The following ZNF804B variants were observed in gnomAD, a reference collection of about 807,000 sequenced individuals.
The protein encoded by ZNF804B is zinc finger 804B.
ZNF804B carries 80 observed loss-of-function variants against 101.4 expected under a neutral mutation model. The ratio of observed to expected loss-of-function variants is 0.79; its 90% CI spans 0.66 to 0.95. The LOEUF (loss-of-function observed/expected upper bound fraction) is 0.95, where lower values mean the gene tolerates loss of function less well. Among genes scored for constraint, ZNF804B ranks in the 40% least tolerant of loss-of-function variants. The pLI is 0.00. For missense variants in ZNF804B, 1,673 were observed against 1,561.9 expected, an observed-to-expected ratio of 1.07 and a Z score of -1.20; for synonymous variants, 622 against 558.8, an observed-to-expected ratio of 1.11 and a Z score of -1.59.
rs556883423 is a variant in ZNF804B at position 88,900,426 on chromosome 7, T to A, written c.108+140342T>A. ...AACAAAATATATTCAAAGATTTACA[T>A]AAGCCAGAAACTTAAGAAATAGTTT... On this transcript the variant is annotated intron_variant, in intron 1 of 3. Transcript: ENST00000333190. Among the ~76,000 whole-genome samples, 12 of 151,802 alleles carry A rather than the reference T, an allele frequency of 7.9e-5. 1 individual carries two copies. The highest frequency in any genetic ancestry group is 2.9e-4 in the African/African-American group (12 of 41,460).
At chr7:89,159,970 C>A (rs934771920) in intron 1 of ZNF804B, among the ~76,000 whole-genome samples, 1 of 152,040 alleles carries the variant, frequency 6.6e-6, no homozygotes, top group Non-Finnish European at 1.5e-5. Flanking sequence ...TGTAGAGATA[C>A]GTCTAGCTGA....
chr7:89,139,583 C>G (rs1327826474), intron 1 of ZNF804B, among the ~76,000 whole-genome samples: 1 of 151,996 alleles, frequency 6.6e-6, no homozygotes, highest in Non-Finnish European at 1.5e-5. Context: ...ATGTTCACAG[C>G]ATCTTCACCA....
chr7:88,945,087 A>G (rs778987417), intron 1 of ZNF804B, among the ~76,000 whole-genome samples: 3 of 151,954 alleles, frequency 2.0e-5, no homozygotes, highest in Non-Finnish European at 4.4e-5. Context: ...GAAGCTCTTT[A>G]GTTTAATTAG....
Position 88,759,940 on chromosome 7 carries a change from T to C in ZNF804B, c.-37T>C. 8 of 1,577,662 alleles carry C rather than the reference T, an allele frequency of 5.1e-6. No homozygotes were observed. The highest frequency in any genetic ancestry group is 7.0e-6 in the Non-Finnish European group (8 of 1,147,704). ...CCGCTTTCCACGGCTGGTCGCCTGG[T>C]GAGGAGTTGAGACTCTGCGCCTCCG... is the stretch of plus-strand genomic sequence containing the variant. On this transcript the variant is annotated 5_prime_UTR_variant, in exon 1 of 4. Coordinates refer to ENST00000333190, the MANE Select transcript of ZNF804B (RefSeq NM_181646.5).
intron 1 of ZNF804B, among the ~76,000 whole-genome samples, chr7:88,792,384 A>G (rs1026694049): frequency 1.3e-5 from 2 of 152,192 alleles, no homozygotes; most frequent in East Asian, 3.9e-4. Context: ...TATTCACTAG[A>G]TAACTTTAGA....
chr7:89,254,648 A>ATTTT (rs1324787367), intron 2 of ZNF804B, among the ~76,000 whole-genome samples: 2 of 132,314 alleles, frequency 1.5e-5, no homozygotes, highest in Non-Finnish European at 1.7e-5. Flanking sequence ...TTTTATTTTT[A>ATTTT]TTATTTTTTT....
At chr7:89,002,154 A>C (rs1461173788) in intron 1 of ZNF804B, among the ~76,000 whole-genome samples, 1 of 151,688 alleles carries the variant, frequency 6.6e-6, no homozygotes, top group Non-Finnish European at 1.5e-5. Context: ...TGTTAAACTA[A>C]TAAAAAGTAC....
chr7:88,980,211 A>G (rs1477028186), intron 1 of ZNF804B, among the ~76,000 whole-genome samples: 1 of 151,926 alleles, frequency 6.6e-6, no homozygotes, highest in Non-Finnish European at 1.5e-5. Flanking sequence ...CCTTCTCTGC[A>G]TTATGTTGAA....
intron 1 of ZNF804B, among the ~76,000 whole-genome samples, chr7:88,829,366 A>T (rs1791098243): frequency 6.6e-6 from 1 of 152,080 alleles, no homozygotes; most frequent in Admixed American, 6.6e-5. Context: ...TTGCTCTCTA[A>T]TTAAATATCA....
chr7:88,772,169 A>G (rs1270185221), intron 1 of ZNF804B, among the ~76,000 whole-genome samples: 4 of 152,184 alleles, frequency 2.6e-5, no homozygotes, highest in Non-Finnish European at 4.4e-5. Context: ...CATGTGCTAC[A>G]TACTATACGT....
At chr7:88,802,034 T>C (rs1378018435) in intron 1 of ZNF804B, among the ~76,000 whole-genome samples, 1 of 152,074 alleles carries the variant, frequency 6.6e-6, no homozygotes, top group Non-Finnish European at 1.5e-5. Context: ...GTTTCCCTCA[T>C]GCTGCTCTGG....
chr7:89,135,579 T>C (rs950486870), intron 1 of ZNF804B, among the ~76,000 whole-genome samples: 6 of 152,004 alleles, frequency 3.9e-5, no homozygotes, highest in African/African-American at 1.4e-4. Context: ...TTTTTTTAAC[T>C]ACACAAGCCA....
chr7:88,802,967 C>T (rs929128724), intron 1 of ZNF804B, among the ~76,000 whole-genome samples: 20 of 152,082 alleles, frequency 1.3e-4, no homozygotes, highest in Non-Finnish European at 2.8e-4. Flanking sequence ...CAGTCTGCAA[C>T]TGTGCATAAT....
intron 1 of ZNF804B, among the ~76,000 whole-genome samples, chr7:88,918,783 G>A (rs1324870784): frequency 3.3e-5 from 5 of 152,168 alleles, no homozygotes; most frequent in South Asian, 2.1e-4. Flanking sequence ...TGAGGGGGAC[G>A]ATAGATTCTT....
chr7:89,335,903 G>T lies in ZNF804B; in HGVS notation c.2921G>T (p.Arg974Ile). 3 of 1,614,096 alleles carry T rather than the reference G, an allele frequency of 1.9e-6. No individual in the cohort carries two copies. In the South Asian group the frequency reaches 3.3e-5, roughly 18 times the overall value. ...CAACTTGCACCATCAGGCTGTAACA[G>T]ACAAGCATTGCCTTTGTCTGAAAAA... ...TIQLAPSGCN[R>I]QALPLSEKIQ... is the part of the protein sequence containing the mutation. Residue 974 changes from arginine to isoleucine, a missense_variant, in exon 4 of 4, where the codon AGA (arginine) becomes ATA (isoleucine). By Grantham distance (97) the Arg-to-Ile change is moderately conservative. Transcript: ENST00000333190.
intron 1 of ZNF804B, among the ~76,000 whole-genome samples, chr7:88,966,743 T>C (rs1418822942): frequency 1.3e-5 from 2 of 151,398 alleles, no homozygotes; most frequent in Non-Finnish European, 3.0e-5. Flanking sequence ...ATAAAAGGCA[T>C]CTAGACACAC....
chr7:89,020,570 A>T (rs1334906229), intron 1 of ZNF804B, among the ~76,000 whole-genome samples: 3 of 152,096 alleles, frequency 2.0e-5, no homozygotes, highest in African/African-American at 7.2e-5. Flanking sequence ...CTATTTTGTA[A>T]TCCTTGAGCT....
chr7:88,767,764 G>A (rs79797806), intron 1 of ZNF804B, among the ~76,000 whole-genome samples: 415 of 152,246 alleles, frequency 2.7e-3, no homozygotes, highest in Middle Eastern at 0.014. Context: ...CTGTGTATCC[G>A]TCCACATGAT....
At chr7:88,995,119 G>T (rs1793902460) in intron 1 of ZNF804B, among the ~76,000 whole-genome samples, 1 of 152,026 alleles carries the variant, frequency 6.6e-6, no homozygotes, top group African/African-American at 2.4e-5. Flanking sequence ...CTATTGCCAT[G>T]GTTCTGTTCT....
Sources: allele counts gnomAD v4.1 joint callset (sites outside exome capture counted in the v4.1 genomes callset), GRCh38; gene constraint gnomAD v4.1.1; transcripts MANE v1.5; gene names NCBI Gene and HGNC (gene_info 2026-07-23, HGNC 2026-07-21).